AKNAD1: variants seen among roughly 807,000 people sequenced by gnomAD.
The protein encoded by AKNAD1 is AKNA domain containing 1, also known as protein AKNAD1.
Under a neutral mutation model 90.8 loss-of-function variants are expected in AKNAD1, and 67 were observed. The observed-to-expected ratio is 0.74, with a 90% CI of 0.61 to 0.90. The LOEUF (loss-of-function observed/expected upper bound fraction) is 0.90. AKNAD1 is among the 40% of genes least tolerant of loss of function. AKNAD1 has a pLI of 0.00. For synonymous variants in AKNAD1, 327 were observed against 341.4 expected, an observed-to-expected ratio of 0.96 and a Z score of 0.46; for missense variants, 957 against 975.4, an observed-to-expected ratio of 0.98 and a Z score of 0.25.
At position 108,830,634 on chromosome 1, in the gene AKNAD1, G is replaced by A; in HGVS notation, c.1763C>T (p.Thr588Ile). Reference protein sequence around the residue: ...SSNSGEDPNGTPRRQDCAEMT... With the variant: ...SSNSGEDPNGIPRRQDCAEMT... ...CTCTGCACAATCCTGCCTTCTTGGA[G>A]TGCCGTTGGGATCCTCCTGCGCCAC... The change falls in exon 10 of 16, where the codon ACT becomes ATT. Residue 588 changes from threonine (T) to isoleucine (I), a missense_variant. Physicochemically the swap from Thr to Ile is moderately conservative, Grantham distance 89. Coordinates refer to ENST00000370001, the MANE Select transcript of AKNAD1 (RefSeq NM_152763.5). 1 of 1,614,150 alleles carries A rather than the reference G, an allele frequency of 6.2e-7. No homozygotes were observed. Among genetic ancestry groups the A allele is most frequent in the South Asian group, 1.1e-5 (1 of 91,086 alleles).
chr1:108,835,264 T>G (rs1664346183), intron 7 of AKNAD1, among the ~76,000 whole-genome samples: 1 of 152,144 alleles, frequency 6.6e-6, no homozygotes, highest in Non-Finnish European at 1.5e-5. Flanking sequence ...AAAAACCTTC[T>G]CCCTTAGTAA....
chr1:108,849,131 C>G, intron 3 of AKNAD1, 71 bp from the exon 4 acceptor site: 1 of 1,373,050 alleles, frequency 7.3e-7, no homozygotes, highest in Non-Finnish European at 9.7e-7. Context: ...GTACTGAAAA[C>G]AGAAAGCTGT....
At chr1:108,821,351 T>C (rs1441557608) in intron 13 of AKNAD1, among the ~76,000 whole-genome samples, 6 of 152,086 alleles carry the variant, frequency 3.9e-5, no homozygotes, top group African/African-American at 1.4e-4. Context: ...CTTGGGAGAC[T>C]GAGGCATGAG....
intron 11 of AKNAD1, among the ~76,000 whole-genome samples, chr1:108,824,399 C>CTAACCCTAACCCT (rs749047619): frequency 2.0e-5 from 3 of 151,752 alleles, no homozygotes; most frequent in South Asian, 2.1e-4. Context: ...TTACTGAACT[C>CTAACCCTAACCCT]ATGGTTAGAC....
intron 13 of AKNAD1, among the ~76,000 whole-genome samples, chr1:108,820,868 T>C (rs1475367001): frequency 1.3e-5 from 2 of 151,612 alleles, no homozygotes; most frequent in African/African-American, 4.8e-5. Context: ...TTGCGACCAG[T>C]CTTCCCTGTC....
upstream of AKNAD1, among the ~76,000 whole-genome samples, chr1:108,857,768 T>C (rs12741194): frequency 0.09 from 13,748 of 152,302 alleles, 704 homozygotes; most frequent in Non-Finnish European, 0.1. Flanking sequence ...TACCAGTTAG[T>C]ACAACCACGT....
rs1553203224 is a variant in AKNAD1, at chr1:108,839,471, T to TAAAAAAAAAAAGAAAAAAAAA, written c.1380-1766_1380-1765insTTTTTTTTTCTTTTTTTTTTT. ...CTGGAGGAGCGAGACTCCGTCTCAATAAAAAAAAAAAGAAAAGGGAAAATT... is the reference window on the plus strand; with the variant it reads ...CTGGAGGAGCGAGACTCCGTCTCAATAAAAAAAAAAAGAAAAAAAAAAAAAAAAAAAAGAAAAGGGAAAATT... On this transcript the variant is annotated intron_variant, in intron 6 of 15. Transcript: ENST00000370001. Among the ~76,000 whole-genome samples, 1,109 of 125,720 alleles carry TAAAAAAAAAAAGAAAAAAAAA rather than the reference T, an allele frequency of 8.8e-3. 19 individuals carry two copies. The highest frequency in any genetic ancestry group is 0.033 in the African/African-American group (962 of 28,916). The allele number at this position is 125,720 out of a possible 152,430, so 82.5% of individuals were successfully genotyped here. A position where few individuals can be genotyped will look rare whatever the true frequency, so the allele number is the denominator to read the frequency against.
intron 10 of AKNAD1, among the ~76,000 whole-genome samples, chr1:108,829,767 G>A (rs1664127815): frequency 6.6e-6 from 1 of 152,166 alleles, no homozygotes; most frequent in Non-Finnish European, 1.5e-5. Flanking sequence ...ACATATAACA[G>A]TGGTTGCTAA....
intron 2 of AKNAD1, among the ~76,000 whole-genome samples, chr1:108,850,488 T>C (rs913262071): frequency 6.6e-6 from 1 of 151,396 alleles, no homozygotes; most frequent in African/African-American, 2.4e-5. Flanking sequence ...ACCACGGGGG[T>C]GTAGGTTTCT....
At chr1:108,826,806 C>T (rs1467902078) in intron 11 of AKNAD1, among the ~76,000 whole-genome samples, 1 of 142,866 alleles carries the variant, frequency 7.0e-6, no homozygotes, top group African/African-American at 2.6e-5. Context: ...GTGGCATGAT[C>T]ATGGCTCACT....
intron 14 of AKNAD1, among the ~76,000 whole-genome samples, chr1:108,819,944 C>T (rs1477511237): frequency 2.0e-5 from 3 of 149,328 alleles, no homozygotes; most frequent in Middle Eastern, 3.5e-3. Flanking sequence ...AAAAAATACC[C>T]TAATTGGCTT....
chr1:108,820,602 CA>C lies in AKNAD1; in HGVS notation c.2191del (p.Cys731ValfsTer5). On this transcript the variant is annotated frameshift_variant, in exon 14 of 16. Coordinates refer to ENST00000370001, the MANE Select transcript of AKNAD1 (RefSeq NM_152763.5). LOFTEE classifies it high-confidence loss of function. ...SPSFLKPKRI[C>X]SQRVNSKSFK... is the part of the protein sequence containing the mutation. The stretch of plus-strand genomic sequence containing the variant: ...GGATTTTGAATTCACTCTCTGAGAA[CA>C]GATCCGTTTGGGTTTTAAAAAAGCT... The C allele has an allele frequency of 1.9e-6, 3 of 1,611,120 alleles. No individual in the cohort carries two copies. Among genetic ancestry groups the C allele is most frequent in the African/African-American group, 1.3e-5 (1 of 74,954 alleles).
At chr1:108,823,233 A>G (rs992566894) in intron 13 of AKNAD1, 137 bp downstream of exon 13, 1 of 748,470 alleles carries the variant, frequency 1.3e-6, no homozygotes, top group Non-Finnish European at 2.4e-6. Context: ...GTGTCAGGTG[A>G]GTGCACAAGA....
At chr1:108,854,507 G>A (rs12404382) in intron 1 of AKNAD1, among the ~76,000 whole-genome samples, 19,895 of 152,046 alleles carry the variant, frequency 0.13, 1,376 homozygotes, top group Middle Eastern at 0.15. Context: ...GAACTAAGTC[G>A]TCCAAGAAAA....
chr1:108,820,506 T>G, intron 14 of AKNAD1, 39 bp downstream of exon 14: 238 of 1,353,702 alleles, frequency 1.8e-4, no homozygotes, highest in Non-Finnish European at 2.3e-4. Context: ...ACCCAACCAA[T>G]GAGAAATATT....
intron 10 of AKNAD1, 70 bp downstream of exon 10, chr1:108,830,489 T>C (rs1570804155): frequency 1.4e-6 from 2 of 1,474,922 alleles, no homozygotes; most frequent in East Asian, 4.5e-5. Flanking sequence ...TGCCGCCCAC[T>C]CTCACTGGAG....
chr1:108,817,328 T>C, intron 14 of AKNAD1, 151 bp from the exon 15 acceptor site: 2 of 918,216 alleles, frequency 2.2e-6, no homozygotes, highest in East Asian at 5.6e-5. Context: ...CATACTCCCA[T>C]GTGGCTGACC....
intron 5 of AKNAD1, among the ~76,000 whole-genome samples, chr1:108,844,377 CATATAT>C (rs35559697): frequency 3.2e-4 from 47 of 145,042 alleles, no homozygotes; most frequent in Non-Finnish European, 5.4e-4. Context: ...TCTCTCTCTC[CATATAT>C]ATATATATAT....
chr1:108,817,393 G>C (rs76367386), intron 14 of AKNAD1: 2 of 410,718 alleles, frequency 4.9e-6, no homozygotes, highest in South Asian at 1.3e-4. Flanking sequence ...GTTTTCTCCC[G>C]GAATTGATCT....
Sources: allele counts gnomAD v4.1 joint callset (sites outside exome capture counted in the v4.1 genomes callset), GRCh38; gene constraint gnomAD v4.1.1; transcripts MANE v1.5; gene names NCBI Gene and HGNC (gene_info 2026-07-23, HGNC 2026-07-21).